Variants in SEPTIN2 observed in about 807,000 individuals in gnomAD.
SEPTIN2 encodes septin 2.
In SEPTIN2, 34 loss-of-function variants were observed where a neutral mutation model predicts 46.5. The ratio of observed to expected loss-of-function variants is 0.73; its 90% confidence interval spans 0.56 to 0.97. The LOEUF is 0.97. Ranked by LOEUF, SEPTIN2 falls within the 50% of genes least tolerant of loss-of-function variation. The pLI is 0.00. For synonymous variants in SEPTIN2, 175 were observed against 153.4 expected (o/e 1.14, Z -1.04); for missense variants, 347 against 448.4 (o/e 0.77, Z 2.04).
At chr2:241,335,311 T>C in intron 4 of SEPTIN2, 99 bp downstream of exon 4, 1 of 1,559,978 alleles carries the variant, frequency 6.4e-7, no homozygotes, top group Non-Finnish European at 8.7e-7. Context: ...GTTTTGTTTG[T>C]TCTTGTTCAG....
rs186918759 is a variant in SEPTIN2 at position 241,352,200 on chromosome 2, C to T, written c.*263C>T. On this transcript the variant is annotated 3_prime_UTR_variant, in exon 13 of 13. Transcript: ENST00000391971. ...TCTTCCTTTTCTTTCTCCCTAACCA[C>T]TAATGTTAGAATTGATTTCCAAGAA... is the stretch of plus-strand genomic sequence containing the variant. 1.3e-4 allele frequency: 20 copies of T among 152,764 alleles called. No homozygotes were observed. The highest frequency in any genetic ancestry group is 1.0e-3 in the Admixed American group (16 of 15,308). 9.5% of individuals were successfully genotyped at this position (152,764 alleles called of 1,614,324 possible).
intron 11 of SEPTIN2, among the ~76,000 whole-genome samples, chr2:241,348,850 A>G (rs2060516264): frequency 6.6e-6 from 1 of 152,234 alleles, no homozygotes; most frequent in Non-Finnish European, 1.5e-5. Flanking sequence ...AGGCAAACAC[A>G]TTATTCAGTA....
intron 7 of SEPTIN2, among the ~76,000 whole-genome samples, chr2:241,342,088 G>A (rs1575346911): frequency 6.6e-6 from 1 of 152,284 alleles, no homozygotes; most frequent in African/African-American, 2.4e-5. Flanking sequence ...TCCCCAGGTC[G>A]CTAGCCTGGT....
At chr2:241,336,272 T>C in intron 5 of SEPTIN2, 174 bp downstream of exon 5, 1 of 709,312 alleles carries the variant, frequency 1.4e-6, no homozygotes, top group South Asian at 2.1e-5. Flanking sequence ...TTATAGAGAG[T>C]AATTTTTTTC....
At chr2:241,329,865 A>G (rs1179635415) in intron 3 of SEPTIN2, among the ~76,000 whole-genome samples, 1 of 152,242 alleles carries the variant, frequency 6.6e-6, no homozygotes, top group Non-Finnish European at 1.5e-5. Context: ...AATAAGGAAG[A>G]GCAACAGGCT....
At chr2:241,336,158 T>C (rs2079940958) in intron 5 of SEPTIN2, 60 bp downstream of exon 5, 1 of 1,522,780 alleles carries the variant, frequency 6.6e-7, no homozygotes, top group Non-Finnish European at 9.0e-7. Context: ...CATAAATTTA[T>C]AGATAGTGTT....
chr2:241,329,338 C>T (rs1354788628), intron 3 of SEPTIN2, among the ~76,000 whole-genome samples: 3 of 151,998 alleles, frequency 2.0e-5, no homozygotes, highest in Non-Finnish European at 2.9e-5. Context: ...CCGTGTTAGC[C>T]ATGATGGTCT....
intron 9 of SEPTIN2, 75 bp downstream of exon 9, chr2:241,343,972 GC>G (rs1559658730): frequency 1.3e-6 from 2 of 1,552,740 alleles, no homozygotes; most frequent in Non-Finnish European, 8.8e-7. Flanking sequence ...TGTACACTTG[GC>G]CCCCAAGATA....
At chr2:241,347,478 T>C (rs1377049581) in intron 10 of SEPTIN2, among the ~76,000 whole-genome samples, 1 of 152,156 alleles carries the variant, frequency 6.6e-6, no homozygotes, top group Non-Finnish European at 1.5e-5. Context: ...CAGGTGTGCT[T>C]GGGGAGCTTA....
intron 2 of SEPTIN2, 55 bp downstream of exon 2, chr2:241,324,296 A>G: frequency 6.9e-7 from 1 of 1,448,752 alleles, no homozygotes. Flanking sequence ...TTATGTTTTC[A>G]GACTGTTGAC....
chr2:241,337,121 C>G (rs2080159390), intron 5 of SEPTIN2: 2 of 366,522 alleles, frequency 5.5e-6, no homozygotes, highest in East Asian at 9.4e-5. Context: ...ATTGGCAGCC[C>G]TGTCTACACT....
intron 1 of SEPTIN2, among the ~76,000 whole-genome samples, chr2:241,321,248 T>TTA (rs2077077980): frequency 6.6e-6 from 1 of 152,236 alleles, no homozygotes; most frequent in South Asian, 2.1e-4. Flanking sequence ...GAGAACTCTA[T>TTA]TAAAGTTTCT....
At chr2:241,323,028 T>C (rs2077378323) in intron 1 of SEPTIN2, among the ~76,000 whole-genome samples, 1 of 152,124 alleles carries the variant, frequency 6.6e-6, no homozygotes, top group Non-Finnish European at 1.5e-5. Context: ...ACTTAAAAAT[T>C]TTTTTAATTT....
Position 241,342,924 on chromosome 2 carries a change from G to A in SEPTIN2, c.595-68G>A, listed in dbSNP as rs755186430. 4 of 745,794 alleles carry A rather than the reference G, an allele frequency of 5.4e-6. No individual in the cohort carries two copies. In the South Asian group the frequency reaches 6.8e-5, roughly 13 times the overall value. 46.2% of individuals were successfully genotyped at this position (745,794 alleles called of 1,614,324 possible). On this transcript the variant is annotated intron_variant, in intron 7 of 12. Transcript: ENST00000391971. ...ATTTCCAATATATTTCTTACAAGAT[G>A]AGCTAGAATTGGCTACAATAACATA...
At chr2:241,338,158 A>G (rs550474559) in intron 7 of SEPTIN2, among the ~76,000 whole-genome samples, 5 of 152,220 alleles carry the variant, frequency 3.3e-5, no homozygotes, top group Admixed American at 3.3e-4. Flanking sequence ...CCATACAAGG[A>G]TGTATCTAAG....
At position 241,350,118 on chromosome 2, in the gene SEPTIN2, C is replaced by T. The variant is rs2150225675; in HGVS notation, c.1030C>T (p.Gln344Ter). The change falls in exon 12 of 13, where the codon CAG becomes TAG. Residue 344 changes from glutamine to a stop codon, truncating the protein, a stop_gained. Transcript: ENST00000391971. LOFTEE classifies it high-confidence loss of function. ...GATTGCAAGGATGCAGGCGCAGATG[C>T]AGATGCAGATGCAGGGCGGGGATGG... ...EMIARMQAQM[Q>*]MQMQGGDGDG... 6.2e-7 allele frequency: 1 copy of T among 1,614,136 alleles called. No homozygotes were observed. Among genetic ancestry groups the T allele is most frequent in the Non-Finnish European group, 8.5e-7 (1 of 1,179,976 alleles).
chr2:241,316,776 A>G lies in SEPTIN2; in HGVS notation c.-18+794A>G, dbSNP rs550609861. On this transcript the variant is annotated intron_variant, in intron 1 of 12. Transcript: ENST00000391971. ...CTCCACGGAAACACACGAACCAACT[A>G]CACTGAACTTCTTGTAGTTCAAACT... The G allele has an allele frequency of 2.2e-5, 9 of 402,690 alleles. No individual in the cohort carries two copies. The South Asian group carries it at 4.5e-4, about 20-fold the overall frequency. 24.9% of individuals were successfully genotyped at this position (402,690 alleles called of 1,614,324 possible).
intron 7 of SEPTIN2, among the ~76,000 whole-genome samples, chr2:241,341,273 T>C (rs934379866): frequency 6.6e-6 from 1 of 152,226 alleles, no homozygotes; most frequent in African/African-American, 2.4e-5. Flanking sequence ...TGGACTCCTG[T>C]CCTTCCAGCT....
At chr2:241,329,713 G>A (rs915695692) in intron 3 of SEPTIN2, among the ~76,000 whole-genome samples, 4 of 152,198 alleles carry the variant, frequency 2.6e-5, no homozygotes, top group Middle Eastern at 3.2e-3. Context: ...CCTTACTGCT[G>A]TGTCTGGTTT....
Sources: allele counts gnomAD v4.1 joint callset (sites outside exome capture counted in the v4.1 genomes callset), GRCh38; gene constraint gnomAD v4.1.1; transcripts MANE v1.5; gene names NCBI Gene and HGNC (gene_info 2026-07-23, HGNC 2026-07-21).